Variants in CSMD1 observed in about 807,000 individuals in gnomAD.
CSMD1 encodes CUB and sushi domain-containing protein 1.
CSMD1 carries 213 observed loss-of-function variants against 417.5 expected under a neutral mutation model. The observed-to-expected ratio is 0.51, with a 90% confidence interval of 0.46 to 0.57. The LOEUF is 0.57. Among genes scored for constraint, CSMD1 ranks in the 20% least tolerant of loss-of-function variants. The probability of loss-of-function intolerance (pLI) is 0.00; values close to 1 mark genes in which losing one functional copy is unlikely to be tolerated. For missense variants in CSMD1, 6,923 were observed against 4,529.7 expected (o/e 1.53, Z -15.17); for synonymous variants, 2,862 against 1,736.8 (o/e 1.65, Z -16.11).
intron 3 of CSMD1, among the ~76,000 whole-genome samples, chr8:4,350,864 G>T (rs1250109054): frequency 6.6e-6 from 1 of 152,184 alleles, no homozygotes; most frequent in Non-Finnish European, 1.5e-5. Flanking sequence ...AGTGGCTCTA[G>T]TTCCGGTGGA....
chr8:4,222,109 A>C (rs956283556), intron 3 of CSMD1, among the ~76,000 whole-genome samples: 7 of 152,018 alleles, frequency 4.6e-5, no homozygotes, highest in East Asian at 3.9e-4. Flanking sequence ...AACCAACAAA[A>C]AAAAAAAACA....
At chr8:3,438,854 A>G (rs1814747368) in intron 12 of CSMD1, among the ~76,000 whole-genome samples, 1 of 151,858 alleles carries the variant, frequency 6.6e-6, no homozygotes, top group Non-Finnish European at 1.5e-5. Flanking sequence ...GGTGGCTTGC[A>G]CCTGTAATCC....
At chr8:3,988,969 T>G (rs1814537375) in intron 5 of CSMD1, among the ~76,000 whole-genome samples, 1 of 152,212 alleles carries the variant, frequency 6.6e-6, no homozygotes. Flanking sequence ...GGTTATTTGC[T>G]GAACATAGAC....
chr8:3,507,469 G>C, intron 10 of CSMD1, among the ~76,000 whole-genome samples: 1 of 152,134 alleles, frequency 6.6e-6, no homozygotes, highest in Non-Finnish European at 1.5e-5. Context: ...AAACATACGT[G>C]TGCATGTGTC....
chr8:3,903,496 G>A (rs10113668), intron 5 of CSMD1, among the ~76,000 whole-genome samples: 8,395 of 152,224 alleles, frequency 0.055, 580 homozygotes, highest in African/African-American at 0.16. Context: ...CGACAGCAGA[G>A]AAGTGTGCTT....
intron 3 of CSMD1, among the ~76,000 whole-genome samples, chr8:4,247,366 G>C (rs1005351491): frequency 6.6e-6 from 1 of 152,104 alleles, no homozygotes; most frequent in Non-Finnish European, 1.5e-5. Context: ...CATCTCTTAC[G>C]AGTAAGGTAG....
At chr8:3,255,547 C>T (rs1434974801) in intron 26 of CSMD1, among the ~76,000 whole-genome samples, 2 of 152,218 alleles carry the variant, frequency 1.3e-5, no homozygotes, top group African/African-American at 2.4e-5. Flanking sequence ...CTTTGTTTAC[C>T]TACTCAAGCC....
chr8:4,304,884 A>T (rs982607641), intron 3 of CSMD1, among the ~76,000 whole-genome samples: 4 of 152,182 alleles, frequency 2.6e-5, no homozygotes, highest in African/African-American at 9.7e-5. Flanking sequence ...ATATACTCTT[A>T]ATCTATCAAA....
chr8:4,314,096 G>A (rs764488921), intron 3 of CSMD1, among the ~76,000 whole-genome samples: 3 of 151,854 alleles, frequency 2.0e-5, no homozygotes, highest in South Asian at 2.1e-4. Flanking sequence ...GGAGATGGGG[G>A]ATTCAACACT....
rs771999714 is a variant in CSMD1 at position 3,670,604 on chromosome 8, A to AGATATATATGGGGATATATATATTG, written c.1009+37809_1009+37810insCAATATATATATCCCCATATATATC. The stretch of plus-strand genomic sequence containing the variant: ...ATATATATGGGGATATATATATTGC[A>AGATATATATGGGGATATATATATTG]CATATATATGGGGATATATATATGG... On this transcript the variant is annotated intron_variant, in intron 7 of 69. Coordinates refer to ENST00000635120, the MANE Select transcript of CSMD1 (RefSeq NM_033225.6). Among the ~76,000 whole-genome samples, 7 of 140,594 alleles carry AGATATATATGGGGATATATATATTG rather than the reference A, an allele frequency of 5.0e-5. No individual in the cohort carries two copies. In the South Asian group the frequency reaches 1.4e-3, roughly 27 times the overall value. The allele number at this position is 140,594 out of a possible 152,430, so 92.2% of individuals were successfully genotyped here. A position where few individuals can be genotyped will look rare whatever the true frequency, so the allele number is the denominator to read the frequency against.
At chr8:4,474,570 A>G (rs929282665) in intron 2 of CSMD1, among the ~76,000 whole-genome samples, 1 of 152,198 alleles carries the variant, frequency 6.6e-6, no homozygotes. Context: ...TGAGAGCTCT[A>G]AAGAGAACCT....
intron 2 of CSMD1, among the ~76,000 whole-genome samples, chr8:4,631,239 G>A (rs531173663): frequency 5.9e-5 from 9 of 152,112 alleles, no homozygotes; most frequent in African/African-American, 9.7e-5. Flanking sequence ...GCATGTGCCT[G>A]TAGTCCCAGC....
At chr8:4,371,921 A>G (rs966181471) in intron 3 of CSMD1, among the ~76,000 whole-genome samples, 4 of 152,224 alleles carry the variant, frequency 2.6e-5, no homozygotes, top group Non-Finnish European at 5.9e-5. Context: ...GGATTTCACA[A>G]GAGTAATGAT....
chr8:3,005,816 T>C (rs1447022301), intron 52 of CSMD1, among the ~76,000 whole-genome samples: 2 of 152,130 alleles, frequency 1.3e-5, no homozygotes, highest in Non-Finnish European at 2.9e-5. Flanking sequence ...GCCAATATCA[T>C]ACTGAATGGG....
chr8:3,664,842 G>C (rs1269020122), intron 7 of CSMD1, among the ~76,000 whole-genome samples: 1 of 152,216 alleles, frequency 6.6e-6, no homozygotes. Context: ...AAGTTTAGCA[G>C]TAAAGCCAGA....
At chr8:4,840,914 G>A (rs746602621) in intron 1 of CSMD1, among the ~76,000 whole-genome samples, 4 of 152,188 alleles carry the variant, frequency 2.6e-5, no homozygotes, top group Non-Finnish European at 5.9e-5. Flanking sequence ...CACCACTACT[G>A]TAAAGTGAAT....
chr8:3,684,596 CTTTTT>C (rs141663569), intron 7 of CSMD1, among the ~76,000 whole-genome samples: 5 of 127,926 alleles, frequency 3.9e-5, no homozygotes, highest in Admixed American at 1.7e-4. Context: ...CTGATACAGT[CTTTTT>C]TTTTTTTTTT....
intron 3 of CSMD1, among the ~76,000 whole-genome samples, chr8:4,238,376 C>T (rs1802192240): frequency 6.6e-6 from 1 of 152,124 alleles, no homozygotes; most frequent in African/African-American, 2.4e-5. Context: ...CAGCCCAAAG[C>T]ACATCTGCTA....
At chr8:3,688,947 G>C (rs1020082354) in intron 7 of CSMD1, among the ~76,000 whole-genome samples, 2 of 152,080 alleles carry the variant, frequency 1.3e-5, no homozygotes, top group African/African-American at 4.8e-5. Flanking sequence ...GTAATTAAAT[G>C]AATGAAATAT....
Sources: gnomAD v4.1 joint callset for allele counts (sites outside exome capture counted in the v4.1 genomes callset) on GRCh38, gnomAD v4.1.1 for gene constraint, MANE v1.5 for transcripts, NCBI Gene and HGNC (gene_info 2026-07-23, HGNC 2026-07-21) for gene names.